The following PLD5 variants were observed in gnomAD, a reference collection of about 807,000 sequenced individuals.
PLD5 encodes the protein phospholipase D family member 5.
A neutral mutation model predicts 61.1 loss-of-function variants in PLD5; 36 were observed. That is an observed-to-expected ratio of 0.59 (90% CI 0.45 to 0.78). PLD5 has a LOEUF of 0.78. PLD5 is among the 30% of genes least tolerant of loss of function. The pLI is 0.00. For synonymous variants in PLD5, 243 were observed against 242.8 expected (o/e 1.00, Z -0.01); for missense variants, 515 against 644.4 (o/e 0.80, Z 2.17).
intron 1 of PLD5, among the ~76,000 whole-genome samples, chr1:242,430,252 T>C (rs1334305360): frequency 6.6e-6 from 1 of 152,208 alleles, no homozygotes; most frequent in East Asian, 1.9e-4. Context: ...TTCTGGAGGC[T>C]GGGAAGTTCA....
chr1:242,502,640 C>T (rs901104036), intron 1 of PLD5, among the ~76,000 whole-genome samples: 3 of 152,076 alleles, frequency 2.0e-5, no homozygotes, highest in African/African-American at 4.8e-5. Flanking sequence ...TGGGTGCTTA[C>T]GCAAGTGCAT....
intron 2 of PLD5, among the ~76,000 whole-genome samples, chr1:242,301,265 C>T (rs1381722606): frequency 6.6e-6 from 1 of 152,204 alleles, no homozygotes; most frequent in African/African-American, 2.4e-5. Flanking sequence ...CATTAAGCTA[C>T]ATCTTCCAAT....
Position 242,089,962 on chromosome 1 carries a change from G to T in PLD5, c.1503C>A (p.Thr501=), listed in dbSNP as rs762201092. The change falls in exon 10 of 10, where the codon ACC becomes ACA. Residue 501 remains threonine, a synonymous_variant. Coordinates refer to ENST00000536534, the MANE Select transcript of PLD5 (RefSeq NM_001372062.1). ...AGTTCGGCTGTTTGGTTGGCTGTAA[G>T]GTTTTGGCATACGGTGAATACCAGT... ...ERDWYSPYAK[T]LQPTKQPNCS... is the part of the protein sequence containing the mutation. 6.2e-7 allele frequency: 1 copy of T among 1,614,182 alleles called. No homozygotes were observed. Among genetic ancestry groups the T allele is most frequent in the Non-Finnish European group, 8.5e-7 (1 of 1,180,050 alleles).
At chr1:242,145,602 T>C (rs1664491737) in intron 5 of PLD5, among the ~76,000 whole-genome samples, 1 of 152,154 alleles carries the variant, frequency 6.6e-6, no homozygotes, top group Non-Finnish European at 1.5e-5. Flanking sequence ...GAACTTTTTT[T>C]TAATTTTTAA....
intron 4 of PLD5, among the ~76,000 whole-genome samples, chr1:242,265,056 G>A (rs1196495531): frequency 2.0e-5 from 3 of 152,214 alleles, no homozygotes; most frequent in Non-Finnish European, 2.9e-5. Context: ...CACCGTTGAA[G>A]TGTTCAGAAA....
At chr1:242,220,427 A>G (rs978547633) in intron 4 of PLD5, among the ~76,000 whole-genome samples, 3 of 152,196 alleles carry the variant, frequency 2.0e-5, no homozygotes, top group Non-Finnish European at 4.4e-5. Flanking sequence ...ATCTGTACTG[A>G]AATCCCGGCT....
At chr1:242,100,061 C>G (rs1207638940) in intron 9 of PLD5, among the ~76,000 whole-genome samples, 3 of 152,174 alleles carry the variant, frequency 2.0e-5, no homozygotes, top group Non-Finnish European at 4.4e-5. Flanking sequence ...AAATAGCTAG[C>G]ATTAATTGGG....
chr1:242,090,535 GC>G (rs1042563436), intron 9 of PLD5, among the ~76,000 whole-genome samples: 2 of 152,202 alleles, frequency 1.3e-5, no homozygotes, highest in Non-Finnish European at 2.9e-5. Context: ...AGTCCCTGAA[GC>G]TTTCACATCA....
intron 1 of PLD5, among the ~76,000 whole-genome samples, chr1:242,499,138 A>T (rs905723500): frequency 1.3e-5 from 2 of 152,208 alleles, no homozygotes; most frequent in African/African-American, 4.8e-5. Flanking sequence ...AAATGATAAA[A>T]GAAGTTTTAC....
intron 1 of PLD5, among the ~76,000 whole-genome samples, chr1:242,417,637 A>G (rs1264492697): frequency 6.6e-6 from 1 of 152,234 alleles, no homozygotes; most frequent in Non-Finnish European, 1.5e-5. Context: ...CATTACCAGC[A>G]TGCCCTTGAA....
chr1:242,391,040 A>G (rs1030018430), intron 1 of PLD5, among the ~76,000 whole-genome samples: 7 of 152,024 alleles, frequency 4.6e-5, no homozygotes, highest in Non-Finnish European at 8.8e-5. Flanking sequence ...AAAAAAATAC[A>G]AAAAATTAGC....
chr1:242,086,344 G>A lies in PLD5; in HGVS notation c.*3510C>T, dbSNP rs1659475772. ...CCACAGGACCTAGGAAGTCTGCAAA[G>A]CATCTCTTTACAGCATTCTTTTAAG... On this transcript the variant is annotated 3_prime_UTR_variant, in exon 10 of 10. Transcript: ENST00000536534. 6.6e-6 allele frequency: 1 copy of A among 152,204 alleles called. No homozygotes were observed. The highest frequency in any genetic ancestry group is 1.5e-5 in the Non-Finnish European group (1 of 68,048). 9.4% of individuals were successfully genotyped at this position (152,204 alleles called of 1,614,324 possible). A position where few individuals can be genotyped will look rare whatever the true frequency, so the allele number is the denominator to read the frequency against.
At chr1:242,307,878 T>C (rs553679839) in intron 2 of PLD5, among the ~76,000 whole-genome samples, 1 of 152,290 alleles carries the variant, frequency 6.6e-6, no homozygotes, top group South Asian at 2.1e-4. Context: ...AGCTTCAATT[T>C]TCACCAGGAG....
intron 1 of PLD5, among the ~76,000 whole-genome samples, chr1:242,357,043 G>C (rs1285823126): frequency 3.6e-5 from 4 of 112,568 alleles, no homozygotes; most frequent in Non-Finnish European, 5.8e-5. Context: ...TAAATGTTAT[G>C]TTACTAGTTA....
At chr1:242,339,715 A>G (rs182594891) in intron 2 of PLD5, among the ~76,000 whole-genome samples, 6 of 152,326 alleles carry the variant, frequency 3.9e-5, no homozygotes, top group Non-Finnish European at 8.8e-5. Flanking sequence ...AAAGGAAAGG[A>G]ACATCTCTTC....
intron 1 of PLD5, among the ~76,000 whole-genome samples, chr1:242,376,643 A>C (rs1661976476): frequency 6.6e-6 from 1 of 152,196 alleles, no homozygotes; most frequent in African/African-American, 2.4e-5. Flanking sequence ...AACCCAAAAC[A>C]ACTCAAATGG....
intron 5 of PLD5, among the ~76,000 whole-genome samples, chr1:242,208,106 T>G (rs1669559958): frequency 6.7e-6 from 1 of 149,374 alleles, no homozygotes. Flanking sequence ...CCTGAAGCCT[T>G]GACCTCCTGG....
At chr1:242,106,392 G>C in intron 8 of PLD5, among the ~76,000 whole-genome samples, 1 of 152,174 alleles carries the variant, frequency 6.6e-6, no homozygotes, top group South Asian at 2.1e-4. Context: ...GTGAGAATGA[G>C]GGTTCTCTAT....
chr1:242,381,357 A>C (rs1662265889), intron 1 of PLD5, among the ~76,000 whole-genome samples: 1 of 152,160 alleles, frequency 6.6e-6, no homozygotes, highest in African/African-American at 2.4e-5. Flanking sequence ...ATACATGGAC[A>C]CAGGGAGGGA....
Sources: gnomAD v4.1 joint callset for allele counts (sites outside exome capture counted in the v4.1 genomes callset) on GRCh38, gnomAD v4.1.1 for gene constraint, MANE v1.5 for transcripts, NCBI Gene and HGNC (gene_info 2026-07-23, HGNC 2026-07-21) for gene names.